ZZZ3: variants seen among roughly 807,000 people sequenced by gnomAD.
The protein encoded by ZZZ3 is zinc finger ZZ-type containing 3, also known as ZZ-type zinc finger-containing protein 3.
In ZZZ3, 22 loss-of-function variants were observed where a neutral mutation model predicts 95.2. That is an observed-to-expected ratio of 0.23 (90% CI 0.17 to 0.33). The LOEUF (loss-of-function observed/expected upper bound fraction) is 0.33. Ranked by LOEUF, ZZZ3 falls within the 10% of genes least tolerant of loss-of-function variation. The pLI is 1.00. For missense variants in ZZZ3, 885 were observed against 1,066.5 expected (o/e 0.83, Z 2.37); for synonymous variants, 335 against 358.9 (o/e 0.93, Z 0.75).
intron 1 of ZZZ3, 140 bp from the exon 2 acceptor site, chr1:77,641,795 G>T (rs1298395218): frequency 5.3e-6 from 2 of 379,798 alleles, no homozygotes; most frequent in Non-Finnish European, 9.3e-6. Flanking sequence ...CTTACATTTA[G>T]CTGTGAAATA....
At chr1:77,586,556 T>C (rs1158722076) in intron 5 of ZZZ3, among the ~76,000 whole-genome samples, 1 of 152,116 alleles carries the variant, frequency 6.6e-6, no homozygotes, top group Non-Finnish European at 1.5e-5. Context: ...ATTACCACAA[T>C]TTTACAGTAT....
intron 13 of ZZZ3, among the ~76,000 whole-genome samples, chr1:77,567,142 C>CA (rs1308514521): frequency 1.3e-5 from 2 of 152,216 alleles, no homozygotes; most frequent in African/African-American, 4.8e-5. Context: ...TCAGTACTTT[C>CA]ATGTGCACCC....
At chr1:77,567,494 G>A (rs1282800467) in intron 13 of ZZZ3, among the ~76,000 whole-genome samples, 3 of 152,110 alleles carry the variant, frequency 2.0e-5, no homozygotes, top group Admixed American at 6.6e-5. Context: ...GTTACTTTCT[G>A]CTTAAAATCA....
At chr1:77,682,354 C>A (rs1273639372) in intron 1 of ZZZ3, among the ~76,000 whole-genome samples, 1 of 152,230 alleles carries the variant, frequency 6.6e-6, no homozygotes, top group Non-Finnish European at 1.5e-5. Flanking sequence ...GCGAGCACGG[C>A]TCCCGGACTT....
intron 1 of ZZZ3, among the ~76,000 whole-genome samples, chr1:77,656,609 G>C (rs1225507729): frequency 2.6e-5 from 4 of 152,138 alleles, no homozygotes; most frequent in Admixed American, 2.6e-4. Flanking sequence ...AAAATATTGA[G>C]ACCTTGAATC....
intron 5 of ZZZ3, among the ~76,000 whole-genome samples, chr1:77,620,830 C>T (rs1666785104): frequency 6.6e-6 from 1 of 152,030 alleles, no homozygotes; most frequent in African/African-American, 2.4e-5. Flanking sequence ...GTAATTTAAG[C>T]CACAGCAGTG....
At chr1:77,664,651 A>C (rs2101029608) in intron 1 of ZZZ3, among the ~76,000 whole-genome samples, 1 of 152,322 alleles carries the variant, frequency 6.6e-6, no homozygotes, top group South Asian at 2.1e-4. Context: ...AGAACTTACA[A>C]GTTGTTTTAG....
chr1:77,637,489 T>G (rs1349667335), intron 4 of ZZZ3, among the ~76,000 whole-genome samples: 1 of 152,240 alleles, frequency 6.6e-6, no homozygotes, highest in Non-Finnish European at 1.5e-5. Context: ...TCTAATAAAC[T>G]GAGTGCAAAA....
In ZZZ3 at chr1:77,609,778, C is replaced by A. The variant is rs116722603; in HGVS notation, c.1505+22072G>T. ...ACACATGCAAATTAAACAATATACT[C>A]CTGAATGACCCGTGGGTCAATGAAG... On this transcript the variant is annotated intron_variant, in intron 5 of 14. Coordinates refer to ENST00000370801, the MANE Select transcript of ZZZ3 (RefSeq NM_015534.6). Among the ~76,000 whole-genome samples the A allele has an allele frequency of 5.1e-3, 769 of 152,102 alleles. 3 individuals are homozygous for A. The highest frequency in any genetic ancestry group is 0.011 in the South Asian group (55 of 4,822).
At chr1:77,672,694 G>A (rs1418607435) in intron 1 of ZZZ3, among the ~76,000 whole-genome samples, 2 of 152,190 alleles carry the variant, frequency 1.3e-5, no homozygotes, top group East Asian at 3.8e-4. Context: ...AATATCCTTG[G>A]TGAAATTCTC....
intron 5 of ZZZ3, among the ~76,000 whole-genome samples, chr1:77,599,788 A>G (rs563127807): frequency 6.6e-6 from 1 of 152,270 alleles, no homozygotes; most frequent in South Asian, 2.1e-4. Flanking sequence ...AAATGTATAT[A>G]TATCAGAGTA....
At chr1:77,581,687 C>T (rs1020477939) in intron 8 of ZZZ3, 89 bp downstream of exon 8, 1 of 1,048,564 alleles carries the variant, frequency 9.5e-7, no homozygotes, top group East Asian at 2.6e-5. Context: ...TGAAAGACTG[C>T]TTTAATTTTA....
chr1:77,671,454 C>T (rs927837889), intron 1 of ZZZ3, among the ~76,000 whole-genome samples: 1 of 152,084 alleles, frequency 6.6e-6, no homozygotes, highest in Non-Finnish European at 1.5e-5. Context: ...GACATACATG[C>T]ACACAAACAG....
At chr1:77,587,258 C>CTTT (rs34952237) in intron 5 of ZZZ3, among the ~76,000 whole-genome samples, 29 of 85,242 alleles carry the variant, frequency 3.4e-4, no homozygotes, top group Middle Eastern at 6.7e-3. Flanking sequence ...AACTTTGACC[C>CTTT]TTTTTTTTTT....
intron 5 of ZZZ3, among the ~76,000 whole-genome samples, chr1:77,630,699 T>C (rs1426438947): frequency 6.6e-6 from 1 of 152,172 alleles, no homozygotes; most frequent in African/African-American, 2.4e-5. Context: ...TAAGATAGTA[T>C]TTCAAAAGAA....
intron 12 of ZZZ3, among the ~76,000 whole-genome samples, chr1:77,569,514 A>G (rs1344503630): frequency 6.6e-6 from 1 of 152,208 alleles, no homozygotes; most frequent in Non-Finnish European, 1.5e-5. Flanking sequence ...AAATTTGTCT[A>G]TTTAAAATTG....
intron 1 of ZZZ3, among the ~76,000 whole-genome samples, chr1:77,679,297 T>G (rs1251425063): frequency 6.6e-6 from 1 of 152,092 alleles, no homozygotes; most frequent in Non-Finnish European, 1.5e-5. Flanking sequence ...CATATGAAAT[T>G]TAGGTGTTTT....
At chr1:77,599,684 T>A (rs1664550003) in intron 5 of ZZZ3, among the ~76,000 whole-genome samples, 1 of 152,082 alleles carries the variant, frequency 6.6e-6, no homozygotes, top group Non-Finnish European at 1.5e-5. Flanking sequence ...GTTTAACAAC[T>A]CTTCCTGCTC....
At position 77,633,213 on chromosome 1, in the gene ZZZ3, T is replaced by C. The variant is rs757133084; in HGVS notation, c.142A>G (p.Arg48Gly). 4 of 1,614,032 alleles carry C rather than the reference T, an allele frequency of 2.5e-6. No homozygotes were observed. Among genetic ancestry groups the C allele is most frequent in the Admixed American group, 3.3e-5 (2 of 59,998 alleles). ...EISSNSQVRS[R>G]SPKKRPEPVP... Reference sequence around the variant, plus strand: ...GGCTCTGGTCTCTTCTTTGGTGATCTTGATCGTACTTGAGAATTAGAAGAG... The same window carrying C: ...GGCTCTGGTCTCTTCTTTGGTGATCCTGATCGTACTTGAGAATTAGAAGAG... The change falls in exon 5 of 15, where the codon AGA (arginine) becomes GGA (glycine). Residue 48 changes from arginine (R) to glycine (G), a missense_variant. Physicochemically the swap from Arg to Gly is moderately radical, Grantham distance 125. Around this residue, in one of 5 missense-constraint regions of ZZZ3, gnomAD observed 556 missense variants for 652.9 expected, o/e 0.85. Transcript: ENST00000370801.
Sources: gnomAD v4.1 joint callset for allele counts (sites outside exome capture counted in the v4.1 genomes callset) on GRCh38, gnomAD v4.1.1 for gene constraint, gnomAD v4.1.1 regional missense constraint, MANE v1.5 for transcripts, NCBI Gene and HGNC (gene_info 2026-07-23, HGNC 2026-07-21) for gene names.